Variants in SERPINB12 observed in about 807,000 individuals in gnomAD.
The protein encoded by SERPINB12 is serpin B12.
A neutral mutation model predicts 41.1 loss-of-function variants in SERPINB12; 57 were observed. That is an observed-to-expected ratio of 1.39 (90% CI 1.12 to 1.73). The LOEUF (loss-of-function observed/expected upper bound fraction) is 1.73. Ranked by LOEUF, SERPINB12 falls within the 40% of genes most tolerant of loss-of-function variation. The pLI is 0.00. For synonymous variants in SERPINB12, 180 were observed against 181.3 expected, an observed-to-expected ratio of 0.99 and a Z score of 0.06; for missense variants, 536 against 501.9, an observed-to-expected ratio of 1.07 and a Z score of -0.65.
At position 63,566,537 on chromosome 18, in the gene SERPINB12, C is replaced by T. The variant is rs78848883; in HGVS notation, c.874-70C>T. On this transcript the variant is annotated intron_variant, in intron 7 of 7. Coordinates refer to ENST00000382768, the MANE Select transcript of SERPINB12 (RefSeq NM_001307928.2). ...TGCCCACTGAAAGGGACTCAGGCAC[C>T]TTGAAGTAATTGGGGCATTCTTTGT... The T allele has an allele frequency of 5.5e-4, 788 of 1,425,086 alleles. 13 individuals are homozygous for T. In the East Asian group the frequency reaches 0.017, roughly 31 times the overall value. The allele number at this position is 1,425,086 out of a possible 1,614,324, so 88.3% of individuals were successfully genotyped here.
chr18:63,520,774 T>C, the SERPINB12 span, among the ~76,000 whole-genome samples: 1 of 152,172 alleles, frequency 6.6e-6, no homozygotes, highest in Non-Finnish European at 1.5e-5. Context: ...ACAACTAACA[T>C]TTTAAGCTGA....
chr18:63,533,685 T>C, the SERPINB12 span, among the ~76,000 whole-genome samples: 3 of 152,208 alleles, frequency 2.0e-5, no homozygotes, highest in African/African-American at 7.2e-5. Context: ...CTATCTATAA[T>C]AGAATATTTG....
upstream of SERPINB12, among the ~76,000 whole-genome samples, chr18:63,537,472 A>AT (rs1235024283): frequency 6.6e-6 from 1 of 152,242 alleles, no homozygotes; most frequent in African/African-American, 2.4e-5. Context: ...GACTGATGAC[A>AT]TACCAGGGGT....
At chr18:63,525,657 A>T in the SERPINB12 span, among the ~76,000 whole-genome samples, 1 of 152,170 alleles carries the variant, frequency 6.6e-6, no homozygotes, top group Non-Finnish European at 1.5e-5. Flanking sequence ...TGAAAAGTTT[A>T]TTTATAAATA....
the SERPINB12 span, among the ~76,000 whole-genome samples, chr18:63,520,553 A>C: frequency 6.6e-6 from 1 of 152,184 alleles, no homozygotes; most frequent in Non-Finnish European, 1.5e-5. Context: ...AGGGGGAGAC[A>C]GACTGAATGA....
At chr18:63,524,919 T>G in the SERPINB12 span, among the ~76,000 whole-genome samples, 2 of 152,008 alleles carry the variant, frequency 1.3e-5, 1 homozygote, top group Middle Eastern at 6.8e-3. Context: ...CTAGCTGATT[T>G]TTGTATTTTT....
At chr18:63,524,767 T>C in the SERPINB12 span, among the ~76,000 whole-genome samples, 4 of 150,268 alleles carry the variant, frequency 2.7e-5, no homozygotes, top group Non-Finnish European at 5.9e-5. Flanking sequence ...TTTTTTTTTT[T>C]TCGTGACAGT....
chr18:63,542,776 G>A (rs577893385), intron 1 of SERPINB12, among the ~76,000 whole-genome samples: 1 of 152,150 alleles, frequency 6.6e-6, no homozygotes, highest in South Asian at 2.1e-4. Flanking sequence ...GTAGTTTTTC[G>A]ATTCTTACCC....
chr18:63,528,300 A>G, the SERPINB12 span, among the ~76,000 whole-genome samples: 5 of 152,136 alleles, frequency 3.3e-5, no homozygotes, highest in Non-Finnish European at 7.4e-5. Flanking sequence ...AGAATGGACC[A>G]TAAATTTTGA....
the SERPINB12 span, among the ~76,000 whole-genome samples, chr18:63,533,272 G>A: frequency 6.6e-6 from 1 of 152,266 alleles, no homozygotes; most frequent in East Asian, 1.9e-4. Flanking sequence ...CACCACGCCC[G>A]GCCTCGTATT....
At chr18:63,529,185 G>A in the SERPINB12 span, among the ~76,000 whole-genome samples, 3 of 152,178 alleles carry the variant, frequency 2.0e-5, no homozygotes, top group East Asian at 3.9e-4. Context: ...TAAATTACAT[G>A]TGTATTCAAA....
chr18:63,565,693 C>T lies in SERPINB12; in HGVS notation c.873+81C>T, dbSNP rs1042034948. 32 of 1,225,514 alleles carry T rather than the reference C, an allele frequency of 2.6e-5. No individual in the cohort carries two copies. The African/African-American group carries it at 4.3e-4, about 16-fold the overall frequency. The allele number at this position is 1,225,514 out of a possible 1,614,324, so 75.9% of individuals were successfully genotyped here. On this transcript the variant is annotated intron_variant, in intron 7 of 7. Transcript: ENST00000382768. ...CAACACTGTCTACTATCTACCATCT[C>T]GAGGAAATTCAGTACCTCAGCTGTC... is the stretch of plus-strand genomic sequence containing the variant.
intron 1 of SERPINB12, among the ~76,000 whole-genome samples, chr18:63,547,620 A>T (rs1205274297): frequency 1.3e-5 from 2 of 152,128 alleles, no homozygotes; most frequent in Non-Finnish European, 2.9e-5. Flanking sequence ...AGGAAAAAAC[A>T]GTTTTACTCA....
At chr18:63,555,017 C>T (rs541990796) in intron 1 of SERPINB12, among the ~76,000 whole-genome samples, 25 of 152,262 alleles carry the variant, frequency 1.6e-4, no homozygotes, top group African/African-American at 5.5e-4. Context: ...CTTCTCCTTC[C>T]GCCATGATTG....
At chr18:63,546,538 A>T (rs1482016170) in intron 1 of SERPINB12, among the ~76,000 whole-genome samples, 2 of 152,242 alleles carry the variant, frequency 1.3e-5, no homozygotes, top group Non-Finnish European at 2.9e-5. Context: ...GTAATAACTT[A>T]GAAAGATTTT....
At chr18:63,534,661 A>G in the SERPINB12 span, among the ~76,000 whole-genome samples, 1 of 152,180 alleles carries the variant, frequency 6.6e-6, no homozygotes, top group Admixed American at 6.5e-5. Flanking sequence ...AACCGGATCA[A>G]GCAGACTCCC....
chr18:63,565,688 C>A, intron 7 of SERPINB12, 76 bp downstream of exon 7: 1 of 1,282,930 alleles, frequency 7.8e-7, no homozygotes, highest in Non-Finnish European at 1.1e-6. Context: ...TACTATCTAC[C>A]ATCTCGAGGA....
At chr18:63,545,901 T>C (rs1215701248) in intron 1 of SERPINB12, among the ~76,000 whole-genome samples, 6 of 152,218 alleles carry the variant, frequency 3.9e-5, no homozygotes, top group African/African-American at 1.4e-4. Context: ...AAATAATTAT[T>C]TTCAAATGAT....
chr18:63,551,516 G>A (rs1223375011), intron 1 of SERPINB12, among the ~76,000 whole-genome samples: 2 of 151,726 alleles, frequency 1.3e-5, no homozygotes, highest in South Asian at 4.2e-4. Context: ...GTAGAAACGG[G>A]GTTTCACCAT....
Sources: allele counts gnomAD v4.1 joint callset (sites outside exome capture counted in the v4.1 genomes callset), GRCh38; gene constraint gnomAD v4.1.1; transcripts MANE v1.5; gene names NCBI Gene and HGNC (gene_info 2026-07-23, HGNC 2026-07-21).